PPP6R2: variants seen among roughly 807,000 people sequenced by gnomAD.
PPP6R2 encodes the protein protein phosphatase 6 regulatory subunit 2.
A neutral mutation model predicts 100.2 loss-of-function variants in PPP6R2; 62 were observed. The ratio of observed to expected loss-of-function variants is 0.62; its 90% CI spans 0.50 to 0.76. The LOEUF is 0.76. Ranked by LOEUF, PPP6R2 falls within the 30% of genes least tolerant of loss-of-function variation. The pLI, the probability that PPP6R2 is intolerant of heterozygous loss-of-function variation, is 0.00. For missense variants in PPP6R2, 1,142 were observed against 1,276.3 expected (o/e 0.89, Z 1.60); for synonymous variants, 525 against 514.7 (o/e 1.02, Z -0.27).
intron 3 of PPP6R2, among the ~76,000 whole-genome samples, chr22:50,394,792 G>C (rs1306138378): frequency 6.6e-6 from 1 of 151,530 alleles, no homozygotes; most frequent in East Asian, 1.9e-4. Flanking sequence ...CGTAGTCCCA[G>C]AGGCTACTGT....
intron 22 of PPP6R2, 21 bp downstream of exon 22, chr22:50,441,047 G>C: frequency 6.6e-7 from 1 of 1,525,122 alleles, no homozygotes; most frequent in South Asian, 1.2e-5. Context: ...CGTGGCGGGG[G>C]CGGGCCTGCC....
chr22:50,349,910 G>T (rs1469379827), intron 1 of PPP6R2, among the ~76,000 whole-genome samples: 3 of 151,204 alleles, frequency 2.0e-5, no homozygotes, highest in Non-Finnish European at 4.4e-5. Context: ...CTGAGGTCAG[G>T]AGTTCGAGAC....
chr22:50,390,604 A>G (rs770309418), intron 2 of PPP6R2, among the ~76,000 whole-genome samples: 4 of 151,886 alleles, frequency 2.6e-5, no homozygotes, highest in Admixed American at 6.6e-5. Flanking sequence ...GGTTGCAGTG[A>G]GCCAAAGTTG....
chr22:50,397,640 T>C (rs9616910), intron 3 of PPP6R2, among the ~76,000 whole-genome samples: 4,274 of 43,820 alleles, frequency 0.098, 90 homozygotes, highest in Non-Finnish European at 0.12. Context: ...CTCACCAGCC[T>C]TGTCATCTCT....
chr22:50,397,029 C>T (rs2057038675), intron 3 of PPP6R2, among the ~76,000 whole-genome samples: 1 of 152,100 alleles, frequency 6.6e-6, no homozygotes, highest in African/African-American at 2.4e-5. Context: ...GGGGAGGGGT[C>T]TTCTGGATCA....
At position 50,444,082 on chromosome 22, in the gene PPP6R2, C is replaced by T. The variant is rs747372883; in HGVS notation, c.2796C>T (p.Ala932=). ...GPIMAVTAAP[A]MVATLGTVTK... ...TCATGGCAGTCACAGCAGCCCCAGC[C>T]ATGGTGGCCACCCTGGGGACAGTGA... Residue 932 remains alanine (A), a synonymous_variant, in exon 23 of 24, where the codon GCC becomes GCT. Transcript: ENST00000612753. 1.2e-6 allele frequency: 2 copies of T among 1,612,894 alleles called. No individual in the cohort carries two copies. Among genetic ancestry groups the T allele is most frequent in the South Asian group, 1.1e-5 (1 of 91,064 alleles).
intron 13 of PPP6R2, among the ~76,000 whole-genome samples, chr22:50,435,993 G>T (rs2064165925): frequency 6.6e-6 from 1 of 152,224 alleles, no homozygotes; most frequent in Non-Finnish European, 1.5e-5. Flanking sequence ...TGAGGTGGGG[G>T]GAAGGAAGCT....
intron 2 of PPP6R2, 182 bp from the exon 3 acceptor site, chr22:50,393,711 C>T (rs1436498970): frequency 1.0e-6 from 1 of 984,710 alleles, no homozygotes; most frequent in African/African-American, 1.7e-5. Context: ...GGGCCCCCAC[C>T]ATCCTGAGCT....
intron 12 of PPP6R2, 113 bp downstream of exon 12, chr22:50,432,442 G>A: frequency 9.4e-7 from 1 of 1,066,350 alleles, no homozygotes; most frequent in South Asian, 1.4e-5. Flanking sequence ...CGGGTGGAGT[G>A]TAGGGTGTGC....
intron 3 of PPP6R2, 24 bp downstream of exon 3, chr22:50,394,159 C>G (rs1439360601): frequency 1.2e-6 from 2 of 1,609,134 alleles, no homozygotes; most frequent in Admixed American, 3.3e-5. Context: ...CTGTGACGGG[C>G]CAGTACGCCA....
intron 14 of PPP6R2, 148 bp downstream of exon 14, chr22:50,436,600 AGT>A: frequency 1.3e-6 from 1 of 782,538 alleles, no homozygotes; most frequent in East Asian, 2.7e-5. Flanking sequence ...GCCCCTGCAT[AGT>A]GTGTCCTCCG....
chr22:50,364,822 AGTTGTATT>A, intron 1 of PPP6R2, among the ~76,000 whole-genome samples: 1 of 152,000 alleles, frequency 6.6e-6, no homozygotes, highest in African/African-American at 2.4e-5. Context: ...AGAGTGCCAA[AGTTGTATT>A]GTGTGCGGGT....
rs1291488591 is a variant in PPP6R2, at chr22:50,404,548, T to G, written c.228-2141T>G. The stretch of plus-strand genomic sequence containing the variant: ...CTGCCACCTCAGCCTCCCATGTAGC[T>G]GAGACCACAGGCATGTGCCACCTCG... On this transcript the variant is annotated intron_variant, in intron 3 of 23. Transcript: ENST00000612753. Among the ~76,000 whole-genome samples the G allele has an allele frequency of 2.0e-5, 3 of 151,432 alleles. No individual in the cohort carries two copies. The East Asian group carries it at 5.8e-4, about 29-fold the overall frequency.
chr22:50,395,228 T>A (rs1241258055), intron 3 of PPP6R2, among the ~76,000 whole-genome samples: 1 of 152,146 alleles, frequency 6.6e-6, no homozygotes, highest in Non-Finnish European at 1.5e-5. Context: ...TACCGTCCGT[T>A]CTCAGAGTTT....
chr22:50,402,452 G>C (rs531034879), intron 3 of PPP6R2, among the ~76,000 whole-genome samples: 1 of 151,754 alleles, frequency 6.6e-6, no homozygotes, highest in East Asian at 2.0e-4. Context: ...GCCCTGGCCT[G>C]TAAGTTCTCA....
chr22:50,408,349 C>T (rs1223780705), intron 4 of PPP6R2, among the ~76,000 whole-genome samples: 2 of 152,200 alleles, frequency 1.3e-5, no homozygotes, highest in Non-Finnish European at 2.9e-5. Context: ...CGCAGCTCCA[C>T]GAAGGCCGCG....
intron 4 of PPP6R2, among the ~76,000 whole-genome samples, chr22:50,413,335 T>C (rs1393681364): frequency 2.6e-5 from 4 of 152,150 alleles, no homozygotes; most frequent in Non-Finnish European, 4.4e-5. Context: ...TTTCTATTAA[T>C]TTCTCATAAT....
chr22:50,334,277 G>A, the PPP6R2 span, among the ~76,000 whole-genome samples: 2 of 152,212 alleles, frequency 1.3e-5, no homozygotes, highest in Admixed American at 6.5e-5. Flanking sequence ...AGGCTCTGGC[G>A]TTACCGCTAG....
upstream of PPP6R2, among the ~76,000 whole-genome samples, chr22:50,342,418 G>A (rs1443663043): frequency 6.6e-6 from 1 of 152,234 alleles, no homozygotes; most frequent in African/African-American, 2.4e-5. Flanking sequence ...GGGGACAGGC[G>A]TCGGGGAAGC....
Sources: allele counts gnomAD v4.1 joint callset (sites outside exome capture counted in the v4.1 genomes callset), GRCh38; gene constraint gnomAD v4.1.1; transcripts MANE v1.5; gene names NCBI Gene and HGNC (gene_info 2026-07-23, HGNC 2026-07-21).